SCN1A: variants seen among roughly 807,000 people sequenced by gnomAD.
The protein encoded by SCN1A is sodium voltage-gated channel alpha subunit 1, also known as sodium channel protein type 1 subunit alpha.
Under a neutral mutation model 193.7 loss-of-function variants are expected in SCN1A, and 13 were observed. The observed-to-expected ratio is 0.07, with a 90% confidence interval of 0.04 to 0.11. The LOEUF is 0.11. Among genes scored for constraint, SCN1A ranks in the 10% least tolerant of loss-of-function variants. The pLI is 1.00. For missense variants in SCN1A, 1,432 were observed against 2,451.1 expected, an observed-to-expected ratio of 0.58 and a Z score of 8.78; for synonymous variants, 781 against 843.6, an observed-to-expected ratio of 0.93 and a Z score of 1.29.
At chr2:166,012,357 T>C (rs1201678583) in intron 21 of SCN1A, 75 bp from the exon 22 acceptor site, 1 of 1,167,322 alleles carries the variant, frequency 8.6e-7, no homozygotes, top group Non-Finnish European at 1.2e-6. Context: ...AAATTAATCA[T>C]ATGCATATGA....
chr2:166,088,056 TTGTGTGTGTGTG>T lies in SCN1A; in HGVS notation c.-141-10267_-141-10256del, dbSNP rs10525602. 3.0e-4 allele frequency among the ~76,000 whole-genome samples: 44 copies of T among 146,842 alleles called. No individual in the cohort carries two copies. The South Asian group carries it at 8.9e-3, about 30-fold the overall frequency. ...TCTGTCAATCCCACAATCTGTGTGT[TTGTGTGTGTGTG>T]TGTGTGTGTGTGTGTGTAAGGGTAT... On this transcript the variant is annotated intron_variant, in intron 2 of 28. Coordinates refer to ENST00000674923, the MANE Select transcript of SCN1A (RefSeq NM_001165963.4).
At chr2:166,078,499 G>A (rs1685195485) in intron 2 of SCN1A, among the ~76,000 whole-genome samples, 2 of 151,434 alleles carry the variant, frequency 1.3e-5, no homozygotes, top group South Asian at 4.2e-4. Flanking sequence ...AGAGAAAGGG[G>A]AAACTCTATA....
chr2:166,044,085 T>A (rs1230632922), intron 13 of SCN1A, 36 bp from the exon 14 acceptor site: 1 of 1,611,310 alleles, frequency 6.2e-7, no homozygotes, highest in Admixed American at 1.7e-5. Flanking sequence ...TAAAGTCATA[T>A]TAATATGGAC....
intron 2 of SCN1A, 85 bp downstream of exon 2, chr2:166,126,839 T>C (rs1691302066): frequency 6.6e-6 from 1 of 152,228 alleles, no homozygotes; most frequent in African/African-American, 2.4e-5. Context: ...GACCGATTTG[T>C]TAACAATCAC....
intron 1 of SCN1A, among the ~76,000 whole-genome samples, chr2:166,142,198 G>GA (rs1692117348): frequency 6.6e-6 from 1 of 152,158 alleles, no homozygotes; most frequent in Admixed American, 6.5e-5. Flanking sequence ...GCTAAAGAGG[G>GA]AAAACTGGAA....
rs1689429168 is a variant in SCN1A at position 165,992,694 on chromosome 2, G to A, written c.4853-272C>T. The A allele has an allele frequency of 2.3e-5, 4 of 175,996 alleles. No individual in the cohort carries two copies. The highest frequency in any genetic ancestry group is 4.6e-5 in the Non-Finnish European group (4 of 86,878). 10.9% of individuals were successfully genotyped at this position (175,996 alleles called of 1,614,324 possible). ...ACTTTTAGTTTATGTAAAGTCCCAA[G>A]TCAGAATTTAAAAAGAAAATAAGTT... On this transcript the variant is annotated intron_variant, in intron 28 of 28. Transcript: ENST00000674923. This position sits in a 1 kb window ranked among gnomAD's most constrained non-coding sequence, Gnocchi z 6.5.
At chr2:166,086,074 T>C (rs1044288200) in intron 2 of SCN1A, among the ~76,000 whole-genome samples, 1 of 152,206 alleles carries the variant, frequency 6.6e-6, no homozygotes, top group Non-Finnish European at 1.5e-5. Flanking sequence ...CCTGACTGAA[T>C]TGACCTTCTC....
intron 2 of SCN1A, among the ~76,000 whole-genome samples, chr2:166,113,974 T>C (rs1689577780): frequency 1.3e-5 from 2 of 152,032 alleles, no homozygotes; most frequent in African/African-American, 4.8e-5. Flanking sequence ...TGGAGAATAT[T>C]AATAATTCTC....
At chr2:166,098,598 A>G (rs1265322494) in intron 2 of SCN1A, among the ~76,000 whole-genome samples, 1 of 152,194 alleles carries the variant, frequency 6.6e-6, no homozygotes, top group Non-Finnish European at 1.5e-5. Flanking sequence ...TTTTATACCT[A>G]GAAAACAAAA....
At chr2:166,094,151 C>T (rs551613627) in intron 2 of SCN1A, among the ~76,000 whole-genome samples, 2 of 152,026 alleles carry the variant, frequency 1.3e-5, no homozygotes, top group Non-Finnish European at 2.9e-5. Flanking sequence ...ATGGATAAAA[C>T]ATCTGATAAG....
chr2:166,030,416 C>G (rs7598539), intron 19 of SCN1A, among the ~76,000 whole-genome samples: 106,890 of 149,220 alleles, frequency 0.72, 37,924 homozygotes, highest in East Asian at 0.89. Flanking sequence ...CTAAGGACCT[C>G]ACATTTTTAC....
At chr2:166,146,947 T>C (rs956550625) in intron 1 of SCN1A, among the ~76,000 whole-genome samples, 1 of 152,226 alleles carries the variant, frequency 6.6e-6, no homozygotes, top group Non-Finnish European at 1.5e-5. Context: ...TGACAATATG[T>C]ATTTAACTAT....
upstream of SCN1A, among the ~76,000 whole-genome samples, chr2:166,132,503 A>G (rs1321822182): frequency 6.6e-6 from 1 of 152,154 alleles, no homozygotes; most frequent in African/African-American, 2.4e-5. Flanking sequence ...CTAGCCGAAA[A>G]TGATAAACTC....
At chr2:166,102,233 G>A (rs1405088009) in intron 2 of SCN1A, among the ~76,000 whole-genome samples, 3 of 152,050 alleles carry the variant, frequency 2.0e-5, no homozygotes, top group African/African-American at 4.8e-5. Context: ...GCGGTGACTC[G>A]CGCCTGCAAT....
chr2:165,993,223 G>C (rs913874995), intron 28 of SCN1A: 4 of 152,582 alleles, frequency 2.6e-5, no homozygotes, highest in Non-Finnish European at 5.8e-5. Context: ...GAGAGAGAGA[G>C]AGAGAAGGAG....
intron 23 of SCN1A, among the ~76,000 whole-genome samples, chr2:166,004,809 C>T (rs1196742785): frequency 6.6e-6 from 1 of 151,400 alleles, no homozygotes; most frequent in Non-Finnish European, 1.5e-5. Context: ...CTGAAATACT[C>T]TCCCCTCTTA....
intron 20 of SCN1A, among the ~76,000 whole-genome samples, chr2:166,015,284 A>C (rs1449369350): frequency 6.6e-6 from 1 of 151,892 alleles, no homozygotes; most frequent in African/African-American, 2.4e-5. Context: ...TTTTAAGGCA[A>C]ATTCTGTGTA....
chr2:166,141,707 T>G lies in SCN1A; in HGVS notation c.-50+7340A>C, dbSNP rs566001122. On this transcript the variant is annotated intron_variant, in intron 1 of 26. Transcript: ENST00000635750. The stretch of plus-strand genomic sequence containing the variant: ...AGTTCTCAGATGATAAACACTTATG[T>G]TATTTTCTTTCTTTCTTCCTTTTCT... Among the ~76,000 whole-genome samples the G allele has an allele frequency of 2.7e-3, 408 of 150,464 alleles. 2 individuals carry two copies. The highest frequency in any genetic ancestry group is 4.7e-3 in the Non-Finnish European group (320 of 67,568).
chr2:166,062,202 C>G (rs1683381899), intron 4 of SCN1A, among the ~76,000 whole-genome samples: 1 of 152,060 alleles, frequency 6.6e-6, no homozygotes, highest in Non-Finnish European at 1.5e-5. Context: ...AACATACATG[C>G]TTATGTACAA....
Sources: gnomAD v4.1 joint callset for allele counts (sites outside exome capture counted in the v4.1 genomes callset) on GRCh38, gnomAD v4.1.1 for gene constraint, Gnocchi (gnomAD v3.1) non-coding constraint, MANE v1.5 for transcripts, NCBI Gene and HGNC (gene_info 2026-07-23, HGNC 2026-07-21) for gene names.